Variants in CD86 observed in about 807,000 individuals in gnomAD.
CD86 encodes the protein T-lymphocyte activation antigen CD86.
A neutral mutation model predicts 32.1 loss-of-function variants in CD86; 11 were observed. The observed-to-expected ratio is 0.34, with a 90% CI of 0.22 to 0.57. The LOEUF (loss-of-function observed/expected upper bound fraction) is 0.57, where lower values mean the gene tolerates loss of function less well. CD86 is among the 20% of genes least tolerant of loss of function. The pLI is 0.86. For synonymous variants in CD86, 137 were observed against 135.3 expected (o/e 1.01, Z -0.09); for missense variants, 359 against 398.4 (o/e 0.90, Z 0.84).
chr3:122,084,978 T>C (rs2072692615), intron 1 of CD86, among the ~76,000 whole-genome samples: 1 of 152,226 alleles, frequency 6.6e-6, no homozygotes, highest in African/African-American at 2.4e-5. Flanking sequence ...TTGTAGCACT[T>C]GTCATAGCTA....
intron 1 of CD86, among the ~76,000 whole-genome samples, chr3:122,091,156 A>G (rs2072811239): frequency 6.6e-6 from 1 of 152,162 alleles, no homozygotes; most frequent in Admixed American, 6.5e-5. Flanking sequence ...ATCACAATCC[A>G]TTGTAGATCA....
chr3:122,095,258 G>T (rs1428800840), intron 2 of CD86, among the ~76,000 whole-genome samples: 2 of 148,398 alleles, frequency 1.3e-5, no homozygotes, highest in South Asian at 4.2e-4. Context: ...GGCAACCCCC[G>T]CCTCCCAGGT....
chr3:122,080,361 C>A (rs115103764), intron 1 of CD86, among the ~76,000 whole-genome samples: 1,588 of 152,178 alleles, frequency 0.01, 22 homozygotes, highest in African/African-American at 0.036. Context: ...CAGAAAGTTT[C>A]GATTCTAGAT....
At chr3:122,119,337 T>G (rs2073305880) in intron 6 of CD86, 101 bp from the exon 7 acceptor site, 1 of 731,134 alleles carries the variant, frequency 1.4e-6, no homozygotes, top group Non-Finnish European at 2.4e-6. Context: ...TCCTCATTGC[T>G]GTTCCAATGG....
intron 1 of CD86, among the ~76,000 whole-genome samples, chr3:122,084,929 G>T (rs1204066853): frequency 6.6e-6 from 1 of 152,120 alleles, no homozygotes; most frequent in East Asian, 1.9e-4. Flanking sequence ...GTTTAGGCTG[G>T]TCCTGTTATG....
chr3:122,064,151 A>G (rs1318849006), intron 1 of CD86, among the ~76,000 whole-genome samples: 2 of 152,070 alleles, frequency 1.3e-5, no homozygotes, highest in Non-Finnish European at 2.9e-5. Context: ...TCCAGACCAG[A>G]CAGTTGTGAC....
intron 1 of CD86, among the ~76,000 whole-genome samples, chr3:122,091,355 G>A (rs953951602): frequency 6.6e-6 from 1 of 152,166 alleles, no homozygotes; most frequent in Non-Finnish European, 1.5e-5. Context: ...CATCTTTTCT[G>A]CCCACAATTC....
At chr3:122,087,612 A>G (rs1212233783) in intron 1 of CD86, among the ~76,000 whole-genome samples, 1 of 152,150 alleles carries the variant, frequency 6.6e-6, no homozygotes, top group Non-Finnish European at 1.5e-5. Context: ...ACATCCTATT[A>G]CAGCAGGGTC....
At position 122,106,243 on chromosome 3, in the gene CD86, A is replaced by C. The variant is rs774925932; in HGVS notation, c.446A>C (p.Glu149Ala). Residue 149 changes from glutamate to alanine, a missense_variant, in exon 4 of 7, where the codon GAA becomes GCA. Transcript: ENST00000330540. ...PEIVPISNIT[E>A]NVYINLTCSS... Reference sequence around the variant, plus strand: ...ATAGTACCAATTTCTAATATAACAGAAAATGTGTACATAAATTTGACCTGC... The same window carrying C: ...ATAGTACCAATTTCTAATATAACAGCAAATGTGTACATAAATTTGACCTGC... The C allele has an allele frequency of 6.2e-7, 1 of 1,611,816 alleles. No homozygotes were observed. The highest frequency in any genetic ancestry group is 2.2e-5 in the East Asian group (1 of 44,824).
chr3:122,095,886 T>C (rs1441040023), intron 2 of CD86, among the ~76,000 whole-genome samples: 1 of 152,136 alleles, frequency 6.6e-6, no homozygotes, highest in Non-Finnish European at 1.5e-5. Flanking sequence ...GAATAGGATG[T>C]GTATAGGGTT....
intron 1 of CD86, among the ~76,000 whole-genome samples, chr3:122,085,038 T>G (rs2072694201): frequency 1.3e-5 from 2 of 152,222 alleles, no homozygotes; most frequent in Non-Finnish European, 2.9e-5. Context: ...GCTTTTCTAC[T>G]AAACTGTAGG....
At chr3:122,104,178 T>G (rs1414179200) in intron 3 of CD86, among the ~76,000 whole-genome samples, 1 of 152,188 alleles carries the variant, frequency 6.6e-6, no homozygotes, top group Non-Finnish European at 1.5e-5. Context: ...TCACAAAGTT[T>G]ATATAACCAT....
chr3:122,083,282 C>A (rs2072660071), intron 1 of CD86, among the ~76,000 whole-genome samples: 1 of 152,186 alleles, frequency 6.6e-6, no homozygotes, highest in Non-Finnish European at 1.5e-5. Context: ...CATATAAAGA[C>A]TGAAATCTTT....
At chr3:122,085,274 T>C (rs2072698023) in intron 1 of CD86, among the ~76,000 whole-genome samples, 1 of 152,200 alleles carries the variant, frequency 6.6e-6, no homozygotes, top group South Asian at 2.1e-4. Flanking sequence ...AATTCAAATA[T>C]ATTTGATTCC....
intron 1 of CD86, among the ~76,000 whole-genome samples, chr3:122,065,855 G>A (rs972773622): frequency 3.3e-5 from 5 of 152,010 alleles, no homozygotes; most frequent in Admixed American, 3.3e-4. Flanking sequence ...AACTGAATTG[G>A]GGGAGAGGGG....
Position 122,059,523 on chromosome 3 carries a change from G to C in CD86, c.14+4020G>C, listed in dbSNP as rs142995991. On this transcript the variant is annotated intron_variant, in intron 1 of 6. Coordinates refer to ENST00000330540, the MANE Select transcript of CD86 (RefSeq NM_175862.5). ...GGCACTCCAGCCTGGGTGACAGAGT[G>C]AGACTCCGTCTCAAAAAAAAAAAAA... 3.8e-3 allele frequency among the ~76,000 whole-genome samples: 559 copies of C among 147,016 alleles called. 20 individuals are homozygous for C. The East Asian group carries it at 0.094, about 25-fold the overall frequency.
chr3:122,120,250 C>A lies in CD86; in HGVS notation c.*716C>A, dbSNP rs2073322444. ...TGGGCTGTTGCTAATATTGAGGAGG[C>A]TTGCCCCACCCAACAAGCCATAGTG... On this transcript the variant is annotated 3_prime_UTR_variant, in exon 7 of 7. Coordinates refer to ENST00000330540, the MANE Select transcript of CD86 (RefSeq NM_175862.5). 6.6e-6 allele frequency: 1 copy of A among 152,206 alleles called. No homozygotes were observed. The highest frequency in any genetic ancestry group is 2.4e-5 in the African/African-American group (1 of 41,424). 9.4% of individuals were successfully genotyped at this position (152,206 alleles called of 1,614,324 possible).
Position 122,109,351 on chromosome 3 carries a change from T to G in CD86, c.790T>G (p.Cys264Gly), listed in dbSNP as rs1479668467. The change falls in exon 5 of 7, where the codon TGT (cysteine) becomes GGT (glycine). Residue 264 changes from cysteine to glycine, a missense_variant. By Grantham distance (159) the Cys-to-Gly change is radical. Transcript: ENST00000330540. ...PTVIICVMVF[C>G]LILWKWKKKK... is the part of the protein sequence containing the mutation. ...AGTTATTATATGTGTGATGGTTTTC[T>G]GTCTAATTCTATGGAAATGGAAGAA... 1 of 1,614,156 alleles carries G rather than the reference T, an allele frequency of 6.2e-7. No homozygotes were observed. Among genetic ancestry groups the G allele is most frequent in the Non-Finnish European group, 8.5e-7 (1 of 1,179,996 alleles).
intron 1 of CD86, among the ~76,000 whole-genome samples, chr3:122,083,479 C>A (rs2072664604): frequency 6.6e-6 from 1 of 152,162 alleles, no homozygotes; most frequent in Admixed American, 6.5e-5. Flanking sequence ...AAGCCCTTCA[C>A]CTACTTAGCA....
Sources: gnomAD v4.1 joint callset for allele counts (sites outside exome capture counted in the v4.1 genomes callset) on GRCh38, gnomAD v4.1.1 for gene constraint, MANE v1.5 for transcripts, NCBI Gene and HGNC (gene_info 2026-07-23, HGNC 2026-07-21) for gene names.